Variants in GABRG3 observed in about 807,000 individuals in gnomAD.
GABRG3 encodes gamma-aminobutyric acid type A receptor subunit gamma3.
In GABRG3, 25 loss-of-function variants were observed where a neutral mutation model predicts 48.8. The observed-to-expected ratio is 0.51, with a 90% CI of 0.37 to 0.72. GABRG3 has a LOEUF of 0.72. Among genes scored for constraint, GABRG3 ranks in the 30% least tolerant of loss-of-function variants. The pLI, the probability that GABRG3 is intolerant of heterozygous loss-of-function variation, is 0.00. For synonymous variants in GABRG3, 227 were observed against 217.6 expected (o/e 1.04, Z -0.38); for missense variants, 394 against 577.9 (o/e 0.68, Z 3.26).
intron 5 of GABRG3, among the ~76,000 whole-genome samples, chr15:27,397,709 T>C (rs556807472): frequency 6.6e-6 from 1 of 152,168 alleles, no homozygotes; most frequent in Non-Finnish European, 1.5e-5. Flanking sequence ...TAATATGAAG[T>C]AGAGGATTTT....
At chr15:27,239,183 G>A (rs961505414) in intron 3 of GABRG3, among the ~76,000 whole-genome samples, 1 of 152,212 alleles carries the variant, frequency 6.6e-6, no homozygotes, top group Non-Finnish European at 1.5e-5. Context: ...GGTGACACCA[G>A]TCCGAGGTTT....
intron 3 of GABRG3, among the ~76,000 whole-genome samples, chr15:27,293,640 T>C (rs1891873729): frequency 6.6e-6 from 1 of 151,564 alleles, no homozygotes; most frequent in Non-Finnish European, 1.5e-5. Flanking sequence ...ATCATGCCAC[T>C]GTACTCCAGC....
At chr15:27,055,213 CTG>C (rs1300159282) in intron 3 of GABRG3, among the ~76,000 whole-genome samples, 2 of 152,106 alleles carry the variant, frequency 1.3e-5, no homozygotes, top group East Asian at 1.9e-4. Context: ...GATAGAGACT[CTG>C]TGTCCCGCAC....
rs1293891399 is a variant in GABRG3, at chr15:27,352,241, C to T, written c.574+23353C>T. ...TGGCAGTGTAGGGATTCTGCCAGACCGTTCAGCTAATCTCCGTCTCGCGCT... is the reference window on the plus strand; with the variant it reads ...TGGCAGTGTAGGGATTCTGCCAGACTGTTCAGCTAATCTCCGTCTCGCGCT... On this transcript the variant is annotated intron_variant, in intron 5 of 9. Coordinates refer to ENST00000615808, the MANE Select transcript of GABRG3 (RefSeq NM_033223.5). This position sits in a 1 kb window ranked among gnomAD's most constrained non-coding sequence, Gnocchi z 4.0. 1.3e-5 allele frequency among the ~76,000 whole-genome samples: 2 copies of T among 151,586 alleles called. No individual in the cohort carries two copies. The highest frequency in any genetic ancestry group is 4.9e-5 in the African/African-American group (2 of 41,164).
rs193082925 is a variant in GABRG3 at position 27,349,531 on chromosome 15, G to A, written c.574+20643G>A. ...AAAACCACAAAAGTCACAAAGGTTG[G>A]TGTCCTTGGCTTCCACTCTCAATGG... On this transcript the variant is annotated intron_variant, in intron 5 of 9. Coordinates refer to ENST00000615808, the MANE Select transcript of GABRG3 (RefSeq NM_033223.5). Among the ~76,000 whole-genome samples the A allele has an allele frequency of 3.7e-3, 571 of 152,304 alleles. 1 individual carries two copies. Among genetic ancestry groups the A allele is most frequent in the African/African-American group, 0.013 (551 of 41,568 alleles).
intron 5 of GABRG3, among the ~76,000 whole-genome samples, chr15:27,430,158 T>C (rs540107194): frequency 2.0e-5 from 3 of 152,354 alleles, no homozygotes; most frequent in Non-Finnish European, 2.9e-5. Flanking sequence ...ACTAATGATG[T>C]TGAGCATCTC....
At chr15:27,300,678 C>CAAAAA (rs10600874) in intron 3 of GABRG3, among the ~76,000 whole-genome samples, 2 of 101,272 alleles carry the variant, frequency 2.0e-5, no homozygotes, top group African/African-American at 7.3e-5. Context: ...AATAAATAAG[C>CAAAAA]AAAAAAAAAA....
At chr15:27,071,373 A>G (rs1055843447) in intron 3 of GABRG3, among the ~76,000 whole-genome samples, 1 of 152,208 alleles carries the variant, frequency 6.6e-6, no homozygotes, top group East Asian at 1.9e-4. Context: ...GGCTAGAGGA[A>G]GGCCTGTGCT....
chr15:27,439,551 G>A (rs1402136842), intron 5 of GABRG3, among the ~76,000 whole-genome samples: 2 of 152,126 alleles, frequency 1.3e-5, no homozygotes, highest in African/African-American at 4.8e-5. Flanking sequence ...CAAAAATAGT[G>A]ATTCCCACGG....
At chr15:27,496,839 G>T (rs1203572621) in intron 6 of GABRG3, among the ~76,000 whole-genome samples, 13 of 152,296 alleles carry the variant, frequency 8.5e-5, no homozygotes, top group South Asian at 2.1e-4. Flanking sequence ...GATTCTTGTG[G>T]CTTAGACAAT....
At chr15:27,164,355 A>G (rs1386218134) in intron 3 of GABRG3, among the ~76,000 whole-genome samples, 1 of 152,204 alleles carries the variant, frequency 6.6e-6, no homozygotes, top group Non-Finnish European at 1.5e-5. Flanking sequence ...AATACGGTAA[A>G]TCAAAGTTGT....
chr15:27,139,093 C>A (rs943931554), intron 3 of GABRG3, among the ~76,000 whole-genome samples: 1 of 152,014 alleles, frequency 6.6e-6, no homozygotes, highest in African/African-American at 2.4e-5. Context: ...TGTATGAGAA[C>A]TGGTTCACAG....
chr15:27,091,562 G>A (rs1450666940), intron 3 of GABRG3, among the ~76,000 whole-genome samples: 1 of 152,128 alleles, frequency 6.6e-6, no homozygotes, highest in Non-Finnish European at 1.5e-5. Context: ...TAAATATTTG[G>A]TAGGATTCCC....
intron 3 of GABRG3, among the ~76,000 whole-genome samples, chr15:27,142,744 C>T (rs1261985433): frequency 1.3e-5 from 2 of 151,806 alleles, no homozygotes; most frequent in Non-Finnish European, 2.9e-5. Flanking sequence ...TTCATGTTGA[C>T]AGGGGTTACT....
Position 27,135,689 on chromosome 15 carries a change from G to A in GABRG3, c.270+108868G>A, listed in dbSNP as rs111809422. On this transcript the variant is annotated intron_variant, in intron 3 of 9. Coordinates refer to ENST00000615808, the MANE Select transcript of GABRG3 (RefSeq NM_033223.5). ...TGGGAGCCCGAGGCAGGTGGGTCAC[G>A]AGGTCAGGAGTTTGAGACCAGCCTG... 5.6e-3 allele frequency among the ~76,000 whole-genome samples: 855 copies of A among 152,202 alleles called. 9 individuals carry two copies. The highest frequency in any genetic ancestry group is 0.019 in the African/African-American group (808 of 41,536).
intron 3 of GABRG3, among the ~76,000 whole-genome samples, chr15:27,086,494 G>T (rs1897079495): frequency 6.6e-6 from 1 of 152,136 alleles, no homozygotes. Flanking sequence ...AAAATCCAAA[G>T]AATAATATGT....
chr15:27,363,835 T>C (rs1315672841), intron 5 of GABRG3: 1 of 152,240 alleles, frequency 6.6e-6, no homozygotes, highest in Non-Finnish European at 1.5e-5. Flanking sequence ...GGAGCGGCGC[T>C]GTCTTTGAAA....
rs535596419 is a variant in GABRG3, at chr15:27,404,793, A to T, written c.575-75857A>T. Among the ~76,000 whole-genome samples, 5 of 152,238 alleles carry T rather than the reference A, an allele frequency of 3.3e-5. No homozygotes were observed. In the East Asian group the frequency reaches 9.7e-4, roughly 29 times the overall value. ...AGCAAAGGCAACAAGCCCTGTGCAT[A>T]AGTGTCCTCTTCTGACTCTGACTGG... On this transcript the variant is annotated intron_variant, in intron 5 of 9. Coordinates refer to ENST00000615808, the MANE Select transcript of GABRG3 (RefSeq NM_033223.5).
intron 5 of GABRG3, chr15:27,350,172 G>T (rs544316553): frequency 1.8e-5 from 8 of 455,926 alleles, no homozygotes; most frequent in African/African-American, 1.4e-4. Flanking sequence ...TATCGCTGAC[G>T]TTTAAAAGTT....
Sources: allele counts gnomAD v4.1 joint callset (sites outside exome capture counted in the v4.1 genomes callset), GRCh38; gene constraint gnomAD v4.1.1; non-coding constraint Gnocchi (gnomAD v3.1); transcripts MANE v1.5; gene names NCBI Gene and HGNC (gene_info 2026-07-23, HGNC 2026-07-21).